The following HIPK4 variants were observed in gnomAD, a reference collection of about 807,000 sequenced individuals.
The protein encoded by HIPK4 is homeodomain-interacting protein kinase 4.
In HIPK4, 26 loss-of-function variants were observed where a neutral mutation model predicts 44.8. That is an observed-to-expected ratio of 0.58 (90% CI 0.43 to 0.80). The LOEUF (loss-of-function observed/expected upper bound fraction) is 0.80. Among genes scored for constraint, HIPK4 ranks in the 30% least tolerant of loss-of-function variants. HIPK4 has a pLI of 0.00. For synonymous variants in HIPK4, 340 were observed against 355.5 expected, an observed-to-expected ratio of 0.96 and a Z score of 0.49; for missense variants, 729 against 862.6, an observed-to-expected ratio of 0.85 and a Z score of 1.94.
chr19:40,380,783 C>A lies in HIPK4; in HGVS notation c.1208G>T (p.Gly403Val). 3.1e-6 allele frequency: 5 copies of A among 1,614,008 alleles called. No homozygotes were observed. The highest frequency in any genetic ancestry group is 4.2e-6 in the Non-Finnish European group (5 of 1,179,964). The stretch of plus-strand genomic sequence containing the variant: ...GCTGCTGCCGGCCACACTGCCCATA[C>A]CCGCAGCCTCCTTCTCCTCAGCCAG... ...YCLAEEKEAA[G>V]MGSVAGSSPF... Residue 403 changes from glycine to valine, a missense_variant, in exon 3 of 4, where the codon GGT becomes GTT. Transcript: ENST00000291823. The surrounding 1 kb of genome is among the most constrained non-coding windows in gnomAD (Gnocchi z 4.2).
Position 40,389,398 on chromosome 19 carries a change from G to A in HIPK4, c.465+40C>T. 8.6e-7 allele frequency: 1 copy of A among 1,164,976 alleles called. No homozygotes were observed. Among genetic ancestry groups the A allele is most frequent in the Non-Finnish European group, 1.1e-6 (1 of 869,666 alleles). The allele number at this position is 1,164,976 out of a possible 1,614,324, so 72.2% of individuals were successfully genotyped here. ...CTGGAAGAAGCTGGGAAAAAGACAA[G>A]GAACTAGGGACGCAGCCACCCTAGA... On this transcript the variant is annotated intron_variant, in intron 1 of 3. Transcript: ENST00000291823. This position sits in a 1 kb window ranked among gnomAD's most constrained non-coding sequence, Gnocchi z 4.6.
In HIPK4 at chr19:40,381,064, C is replaced by T; in HGVS notation, c.927G>A (p.Glu309=). The T allele has an allele frequency of 1.9e-6, 3 of 1,613,358 alleles. No individual in the cohort carries two copies. Among genetic ancestry groups the T allele is most frequent in the Non-Finnish European group, 1.7e-6 (2 of 1,180,030 alleles). ...TGAGGTCGGCGTGCTCCGCCAGCGC[C>T]TCCCGGTCAGGGAAGGTTAGCCGAC... is the stretch of plus-strand genomic sequence containing the variant. The part of the protein sequence containing the change: ...VASRLTFPDR[E]ALAEHADLKS... The change falls in exon 3 of 4, where the codon GAG becomes GAA. Residue 309 remains glutamate, a synonymous_variant. Transcript: ENST00000291823.
intron 1 of HIPK4, among the ~76,000 whole-genome samples, chr19:40,384,594 C>A (rs980751355): frequency 6.7e-6 from 1 of 149,288 alleles, no homozygotes; most frequent in East Asian, 2.0e-4. Context: ...CGTGAGCCAC[C>A]GCACCCAGCC....
Position 40,379,326 on chromosome 19 carries a change from A to G in HIPK4, c.*261T>C, listed in dbSNP as rs918018717. 2.0e-5 allele frequency: 10 copies of G among 489,932 alleles called. No individual in the cohort carries two copies. The highest frequency in any genetic ancestry group is 1.1e-4 in the East Asian group (3 of 26,736). The allele number at this position is 489,932 out of a possible 1,614,324, so 30.3% of individuals were successfully genotyped here. A position where few individuals can be genotyped will look rare whatever the true frequency, so the allele number is the denominator to read the frequency against. ...AGGCAGCAGGGCCAAGGGCGAGCGC[A>G]GGGCCAGCGGGGTGCAGCCCCCTTT... is the stretch of plus-strand genomic sequence containing the variant. On this transcript the variant is annotated 3_prime_UTR_variant, in exon 4 of 4. Coordinates refer to ENST00000291823, the MANE Select transcript of HIPK4 (RefSeq NM_144685.5).
chr19:40,380,895 G>A lies in HIPK4; in HGVS notation c.1096C>T (p.Leu366=), dbSNP rs1000109127. The A allele has an allele frequency of 6.2e-7, 1 of 1,606,400 alleles. No individual in the cohort carries two copies. The highest frequency in any genetic ancestry group is 1.7e-4 in the Middle Eastern group (1 of 6,046). The change falls in exon 3 of 4, where the codon CTG becomes TTG. Residue 366 remains leucine (L), a synonymous_variant. Transcript: ENST00000291823. The surrounding 1 kb of genome is among the most constrained non-coding windows in gnomAD (Gnocchi z 4.2). ...TGCAGCGAGAGGCGGTAGCTGCGCA[G>A]CGAGAGCTGGTAGTAGTGGGTGGTC... is the stretch of plus-strand genomic sequence containing the variant. ...HETTHYYQLS[L]RSYRLSLQVE...
At chr19:40,379,834 T>C in intron 3 of HIPK4, 65 bp from the exon 4 acceptor site, 1 of 1,499,850 alleles carries the variant, frequency 6.7e-7, no homozygotes, top group Non-Finnish European at 9.0e-7. Context: ...GCTGAGCCTC[T>C]GTCACCTCCT....
chr19:40,383,479 A>G (rs993450349), intron 2 of HIPK4, among the ~76,000 whole-genome samples: 2 of 151,960 alleles, frequency 1.3e-5, no homozygotes, highest in African/African-American at 2.4e-5. Context: ...GTGTAGTGGC[A>G]TGATCATAGT....
chr19:40,381,087 G>T lies in HIPK4; in HGVS notation c.904C>A (p.Arg302=), dbSNP rs763464903. 14 of 1,611,924 alleles carry T rather than the reference G, an allele frequency of 8.7e-6. No individual in the cohort carries two copies. Among genetic ancestry groups the T allele is most frequent in the Middle Eastern group, 1.7e-4 (1 of 6,060 alleles). The change falls in exon 3 of 4, where the codon CGG becomes AGG. Residue 302 remains arginine (R), a synonymous_variant. Transcript: ENST00000291823. ...ETVNGGSVAS[R]LTFPDREALA... is the part of the protein sequence containing the mutation. Reference sequence around the variant, plus strand: ...GCCTCCCGGTCAGGGAAGGTTAGCCGACTGGCCACACTGCCACCATTCACT... The same window carrying T: ...GCCTCCCGGTCAGGGAAGGTTAGCCTACTGGCCACACTGCCACCATTCACT...
chr19:40,385,017 G>A (rs2145718674), intron 1 of HIPK4, among the ~76,000 whole-genome samples: 1 of 152,246 alleles, frequency 6.6e-6, no homozygotes, highest in African/African-American at 2.4e-5. Flanking sequence ...ATGCAAAGGA[G>A]GGTTAGGACC....
intron 1 of HIPK4, among the ~76,000 whole-genome samples, chr19:40,388,013 GT>G (rs71171566): frequency 1.2e-4 from 13 of 113,036 alleles, no homozygotes; most frequent in Admixed American, 3.0e-4. Context: ...TTTTAGTTTA[GT>G]TTTTTTTTTT....
Position 40,384,277 on chromosome 19 carries a change from T to C in HIPK4, c.466-138A>G. On this transcript the variant is annotated intron_variant, in intron 1 of 3. Coordinates refer to ENST00000291823, the MANE Select transcript of HIPK4 (RefSeq NM_144685.5). ...GGCCATCTCTGGGTCTGTGATTCTT[T>C]AGTTGCTTTGTTGGTTTTTGTTTGT... The C allele has an allele frequency of 4.4e-6, 3 of 685,572 alleles. No homozygotes were observed. In the South Asian group the frequency reaches 5.4e-5, roughly 12 times the overall value. 42.5% of individuals were successfully genotyped at this position (685,572 alleles called of 1,614,324 possible).
At chr19:40,385,339 T>C (rs2079357941) in intron 1 of HIPK4, among the ~76,000 whole-genome samples, 1 of 152,082 alleles carries the variant, frequency 6.6e-6, no homozygotes, top group Non-Finnish European at 1.5e-5. Flanking sequence ...CTCTGTCACC[T>C]CTCTGCCACA....
chr19:40,389,936 G>A lies in HIPK4; in HGVS notation c.-34C>T, dbSNP rs1205311621. On this transcript the variant is annotated 5_prime_UTR_variant, in exon 1 of 4. Coordinates refer to ENST00000291823, the MANE Select transcript of HIPK4 (RefSeq NM_144685.5). The surrounding 1 kb of genome is among the most constrained non-coding windows in gnomAD (Gnocchi z 4.6). Reference sequence around the variant, plus strand: ...TGCTGCCAGACACCGCCCTGCCCAGGCCCCTGTACCACTGGCTCTGCCGCC... The same window carrying A: ...TGCTGCCAGACACCGCCCTGCCCAGACCCCTGTACCACTGGCTCTGCCGCC... The A allele has an allele frequency of 6.5e-6, 10 of 1,547,746 alleles. No individual in the cohort carries two copies. The highest frequency in any genetic ancestry group is 8.8e-6 in the Non-Finnish European group (10 of 1,139,726).
chr19:40,380,786 G>T lies in HIPK4; in HGVS notation c.1205C>A (p.Ala402Glu). 3.7e-6 allele frequency: 6 copies of T among 1,613,846 alleles called. No homozygotes were observed. Among genetic ancestry groups the T allele is most frequent in the Non-Finnish European group, 5.1e-6 (6 of 1,179,928 alleles). Residue 402 changes from alanine to glutamate, a missense_variant, in exon 3 of 4, where the codon GCG becomes GAG. Ala to Glu is a moderately radical substitution (Grantham distance 107, BLOSUM62 -1). Transcript: ENST00000291823. The surrounding 1 kb of genome is among the most constrained non-coding windows in gnomAD (Gnocchi z 4.2). ...YYCLAEEKEA[A>E]GMGSVAGSSP... ...GCTGCCGGCCACACTGCCCATACCCGCAGCCTCCTTCTCCTCAGCCAGACA... is the reference window on the plus strand; with the variant it reads ...GCTGCCGGCCACACTGCCCATACCCTCAGCCTCCTTCTCCTCAGCCAGACA...
In HIPK4 at chr19:40,383,671, C is replaced by T. The variant is rs186210468; in HGVS notation, c.822+112G>A. 11 of 833,490 alleles carry T rather than the reference C, an allele frequency of 1.3e-5. No homozygotes were observed. In the Admixed American group the frequency reaches 2.5e-4, roughly 19 times the overall value. 51.6% of individuals were successfully genotyped at this position (833,490 alleles called of 1,614,324 possible). A position where few individuals can be genotyped will look rare whatever the true frequency, so the allele number is the denominator to read the frequency against. ...CCCTAGGCTCAAGGGATCCTCCCACCACAGCCTCCCAAAGTGCTGGAATTA... is the reference window on the plus strand; with the variant it reads ...CCCTAGGCTCAAGGGATCCTCCCACTACAGCCTCCCAAAGTGCTGGAATTA... On this transcript the variant is annotated intron_variant, in intron 2 of 3. Transcript: ENST00000291823.
At chr19:40,381,435 G>A (rs1211093657) in intron 2 of HIPK4, among the ~76,000 whole-genome samples, 1 of 152,198 alleles carries the variant, frequency 6.6e-6, no homozygotes, top group Non-Finnish European at 1.5e-5. Context: ...CCAGCAGCTA[G>A]CAGAAGGGCT....
At position 40,389,710 on chromosome 19, in the gene HIPK4, G is replaced by C. The variant is rs777010991; in HGVS notation, c.193C>G (p.Leu65Val). 9.3e-6 allele frequency: 15 copies of C among 1,614,228 alleles called. No individual in the cohort carries two copies. The Admixed American group carries it at 2.5e-4, about 27-fold the overall frequency. Reference sequence around the variant, plus strand: ...ATGACGTGGGCCTCTTCAGGGTCTAGGCCTCGCATGCAGTGCAGCAGCTTC... The same window carrying C: ...ATGACGTGGGCCTCTTCAGGGTCTACGCCTCGCATGCAGTGCAGCAGCTTC... Reference protein sequence around the residue: ...ELKLLHCMRGLDPEEAHVIRF... With the variant: ...ELKLLHCMRGVDPEEAHVIRF... Residue 65 changes from leucine to valine, a missense_variant, in exon 1 of 4, where the codon CTA becomes GTA. This residue lies in a region of HIPK4 where 196 missense variants were observed against 295.1 expected (regional missense o/e 0.66). Transcript: ENST00000291823. The surrounding 1 kb of genome is among the most constrained non-coding windows in gnomAD (Gnocchi z 4.6).
At chr19:40,385,249 T>C (rs1214832680) in intron 1 of HIPK4, among the ~76,000 whole-genome samples, 2 of 152,156 alleles carry the variant, frequency 1.3e-5, no homozygotes, top group African/African-American at 4.8e-5. Context: ...CCGGGATAGA[T>C]TGGGTCCTCC....
Position 40,384,093 on chromosome 19 carries a change from A to C in HIPK4, c.512T>G (p.Val171Gly), listed in dbSNP as rs765240481. Reference sequence around the variant, plus strand: ...GCGCGACTGGATGTATGGCTCCTTCACGTAGCGCACCTCGCTGAAAATGCT... The same window carrying C: ...GCGCGACTGGATGTATGGCTCCTTCCCGTAGCGCACCTCGCTGAAAATGCT... ...SASIFSEVRY[V>G]KEPYIQSRFY... Residue 171 changes from valine (V) to glycine (G), a missense_variant, in exon 2 of 4, where the codon GTG becomes GGG. By Grantham distance (109) the Val-to-Gly change is moderately radical. Transcript: ENST00000291823. 6.2e-7 allele frequency: 1 copy of C among 1,603,336 alleles called. No individual in the cohort carries two copies. Among genetic ancestry groups the C allele is most frequent in the Non-Finnish European group, 8.5e-7 (1 of 1,172,092 alleles).
Sources: gnomAD v4.1 joint callset for allele counts (sites outside exome capture counted in the v4.1 genomes callset) on GRCh38, gnomAD v4.1.1 for gene constraint, gnomAD v4.1.1 regional missense constraint, Gnocchi (gnomAD v3.1) non-coding constraint, MANE v1.5 for transcripts, NCBI Gene and HGNC (gene_info 2026-07-23, HGNC 2026-07-21) for gene names.